Variants in UBE2F observed in about 807,000 individuals in gnomAD.
UBE2F encodes ubiquitin conjugating enzyme E2 F (putative).
Under a neutral mutation model 29.6 loss-of-function variants are expected in UBE2F, and 5 were observed. That is an observed-to-expected ratio of 0.17 (90% CI 0.09 to 0.36). UBE2F has a LOEUF of 0.36. UBE2F is among the 10% of genes least tolerant of loss of function. The pLI is 1.00. For synonymous variants in UBE2F, 66 were observed against 81.8 expected (o/e 0.81, Z 1.04); for missense variants, 141 against 228.5 (o/e 0.62, Z 2.47).
intron 3 of UBE2F, among the ~76,000 whole-genome samples, chr2:237,989,722 A>C (rs952141563): frequency 1.3e-5 from 2 of 152,144 alleles, no homozygotes; most frequent in African/African-American, 4.8e-5. Flanking sequence ...TATGTTTCTT[A>C]CTGTGGATCT....
chr2:237,991,578 G>C (rs1487859874), intron 3 of UBE2F, among the ~76,000 whole-genome samples: 5 of 116,196 alleles, frequency 4.3e-5, no homozygotes, highest in African/African-American at 1.5e-4. Flanking sequence ...TTTTTTTTTA[G>C]AACTTAACCT....
intron 2 of UBE2F, among the ~76,000 whole-genome samples, chr2:237,976,518 A>G (rs1356414052): frequency 6.6e-6 from 1 of 152,204 alleles, no homozygotes; most frequent in East Asian, 1.9e-4. Context: ...GGAGGCTGGG[A>G]AGTCCAGGAT....
At chr2:237,968,646 A>G (rs777975091) in intron 1 of UBE2F, 3 of 154,194 alleles carry the variant, frequency 1.9e-5, no homozygotes, top group Non-Finnish European at 4.3e-5. Flanking sequence ...CTGAGTAAAT[A>G]TCACTTGATG....
At chr2:238,028,268 G>T (rs2064481612) in intron 6 of UBE2F, among the ~76,000 whole-genome samples, 1 of 152,224 alleles carries the variant, frequency 6.6e-6, no homozygotes, top group South Asian at 2.1e-4. Context: ...TCCTGCTCTG[G>T]CTGTGCTGTT....
At chr2:237,993,436 G>A (rs1387221471) in intron 3 of UBE2F, among the ~76,000 whole-genome samples, 1 of 152,168 alleles carries the variant, frequency 6.6e-6, no homozygotes, top group South Asian at 2.1e-4. Flanking sequence ...GCATAGGCCT[G>A]GTGTGGTGGC....
In UBE2F at chr2:237,973,078, T is replaced by C. The variant is rs769068054; in HGVS notation, c.-16-14T>C. 1.3e-6 allele frequency: 2 copies of C among 1,595,024 alleles called. No homozygotes were observed. Among genetic ancestry groups the C allele is most frequent in the African/African-American group, 1.3e-5 (1 of 74,770 alleles). ...GACCTGGTCCTTAACCCTGCTTTCA[T>C]TGCTGTCTTTCAGGGTAAAGGCAGC... On this transcript the variant is annotated splice_polypyrimidine_tract_variant and intron_variant, in intron 1 of 9. Coordinates refer to ENST00000272930, the MANE Select transcript of UBE2F (RefSeq NM_080678.3).
intron 4 of UBE2F, among the ~76,000 whole-genome samples, chr2:238,010,182 T>C (rs182536911): frequency 6.6e-6 from 1 of 150,874 alleles, no homozygotes; most frequent in African/African-American, 2.4e-5. Context: ...ATTTATTTGG[T>C]TTTTTTTTCG....
chr2:238,019,129 C>T (rs775257194), intron 5 of UBE2F, among the ~76,000 whole-genome samples: 8 of 152,154 alleles, frequency 5.3e-5, no homozygotes, highest in Non-Finnish European at 1.2e-4. Context: ...TCCCATGCAG[C>T]CTTTCTGAAG....
intron 2 of UBE2F, among the ~76,000 whole-genome samples, chr2:237,975,710 C>T (rs1330175515): frequency 6.6e-6 from 1 of 152,132 alleles, no homozygotes; most frequent in Admixed American, 6.5e-5. Flanking sequence ...ATGATCTCGG[C>T]CCACTGCAAC....
chr2:237,967,099 G>T lies in UBE2F; in HGVS notation c.-50G>T. Reference sequence around the variant, plus strand: ...GCCCGGACCGGGCATGGTGTTGGGCGCCGGGCCCGCCTCGCCTGTCTCGGG... The same window carrying T: ...GCCCGGACCGGGCATGGTGTTGGGCTCCGGGCCCGCCTCGCCTGTCTCGGG... On this transcript the variant is annotated 5_prime_UTR_variant, in exon 1 of 10. Transcript: ENST00000272930. This position sits in a 1 kb window ranked among gnomAD's most constrained non-coding sequence, Gnocchi z 6.3. 1.5e-6 allele frequency: 2 copies of T among 1,345,990 alleles called. No homozygotes were observed. Among genetic ancestry groups the T allele is most frequent in the Non-Finnish European group, 1.9e-6 (2 of 1,044,870 alleles). 83.4% of individuals were successfully genotyped at this position (1,345,990 alleles called of 1,614,324 possible).
chr2:237,986,527 T>G (rs1189384911), intron 2 of UBE2F, among the ~76,000 whole-genome samples: 5 of 152,190 alleles, frequency 3.3e-5, no homozygotes, highest in Non-Finnish European at 7.3e-5. Flanking sequence ...GTAATCCCAC[T>G]TGCTTATTTT....
intron 5 of UBE2F, among the ~76,000 whole-genome samples, chr2:238,020,797 A>G (rs1040531874): frequency 1.3e-5 from 2 of 152,232 alleles, no homozygotes; most frequent in African/African-American, 4.8e-5. Context: ...AGTGACATTT[A>G]GTGGGCTCCT....
At chr2:238,031,412 T>C (rs745547601) in intron 7 of UBE2F, among the ~76,000 whole-genome samples, 1 of 152,166 alleles carries the variant, frequency 6.6e-6, no homozygotes, top group African/African-American at 2.4e-5. Flanking sequence ...TGCCCATCTG[T>C]ACATCCCCCT....
At chr2:238,012,084 A>G (rs867186888) in intron 4 of UBE2F, among the ~76,000 whole-genome samples, 28 of 139,450 alleles carry the variant, frequency 2.0e-4, no homozygotes, top group South Asian at 4.5e-4. Context: ...GGGTTTTGCC[A>G]TGTTGCTCAG....
chr2:237,996,922 G>C (rs2063703685), intron 4 of UBE2F, among the ~76,000 whole-genome samples: 1 of 152,028 alleles, frequency 6.6e-6, no homozygotes, highest in South Asian at 2.1e-4. Context: ...TGTTCTATCA[G>C]ATTAAAAAGT....
chr2:238,004,951 G>A (rs577713830), intron 4 of UBE2F, among the ~76,000 whole-genome samples: 1 of 152,186 alleles, frequency 6.6e-6, no homozygotes, highest in Non-Finnish European at 1.5e-5. Flanking sequence ...CGCTGATAGT[G>A]CAAAGAGACA....
At chr2:238,030,658 C>G (rs780226301) in intron 7 of UBE2F, 45 bp downstream of exon 7, 1 of 1,492,854 alleles carries the variant, frequency 6.7e-7, no homozygotes, top group East Asian at 2.3e-5. Context: ...TCCCTGTGGT[C>G]CTCTCCCTGC....
chr2:238,017,194 A>G (rs1258658290), intron 5 of UBE2F, among the ~76,000 whole-genome samples: 1 of 152,224 alleles, frequency 6.6e-6, no homozygotes, highest in Non-Finnish European at 1.5e-5. Context: ...AATGGTAAGT[A>G]GAGGACAGTA....
At chr2:238,012,717 C>A (rs907876230) in intron 4 of UBE2F, among the ~76,000 whole-genome samples, 1 of 152,158 alleles carries the variant, frequency 6.6e-6, no homozygotes, top group Non-Finnish European at 1.5e-5. Context: ...CCATCTCACT[C>A]TGAGCTCCTG....
Sources: gnomAD v4.1 joint callset for allele counts (sites outside exome capture counted in the v4.1 genomes callset) on GRCh38, gnomAD v4.1.1 for gene constraint, Gnocchi (gnomAD v3.1) non-coding constraint, MANE v1.5 for transcripts, NCBI Gene and HGNC (gene_info 2026-07-23, HGNC 2026-07-21) for gene names.